Variants in EFHC1 observed in about 807,000 individuals in gnomAD.
The protein encoded by EFHC1 is EF-hand domain-containing protein 1.
A neutral mutation model predicts 69.9 loss-of-function variants in EFHC1; 53 were observed. That is an observed-to-expected ratio of 0.76 (90% CI 0.61 to 0.95). EFHC1 has a LOEUF of 0.95. EFHC1 is among the 40% of genes least tolerant of loss of function. The pLI, the probability that EFHC1 is intolerant of heterozygous loss-of-function variation, is 0.00. For synonymous variants in EFHC1, 256 were observed against 278.4 expected (o/e 0.92, Z 0.80); for missense variants, 739 against 798.7 (o/e 0.93, Z 0.90).
At chr6:52,428,601 G>A (rs1049756920) in intron 2 of EFHC1, among the ~76,000 whole-genome samples, 2 of 152,072 alleles carry the variant, frequency 1.3e-5, no homozygotes, top group Non-Finnish European at 2.9e-5. Flanking sequence ...GGGTATTTGG[G>A]TTGGTTCCAT....
chr6:52,442,428 A>G (rs187325363), intron 3 of EFHC1, among the ~76,000 whole-genome samples: 76 of 152,002 alleles, frequency 5.0e-4, no homozygotes, highest in African/African-American at 1.5e-3. Context: ...TATATCTCCT[A>G]GTGGTATCCC....
intron 7 of EFHC1, among the ~76,000 whole-genome samples, chr6:52,477,418 C>T (rs778579430): frequency 1.3e-5 from 2 of 151,980 alleles, no homozygotes; most frequent in Non-Finnish European, 2.9e-5. Context: ...ACAATATGAG[C>T]GGATTTCAGT....
In EFHC1 at chr6:52,497,129, G is replaced by A. The variant is rs1766084963; in HGVS notation, c.*4788G>A. 1 of 143,000 alleles carries A rather than the reference G, an allele frequency of 7.0e-6. No homozygotes were observed. The highest frequency in any genetic ancestry group is 2.2e-4 in the East Asian group (1 of 4,500). 8.9% of individuals were successfully genotyped at this position (143,000 alleles called of 1,614,324 possible). On this transcript the variant is annotated 3_prime_UTR_variant, in exon 11 of 11. Coordinates refer to ENST00000371068, the MANE Select transcript of EFHC1 (RefSeq NM_018100.4). ...TTCCTACCCACAAACCCCATGTTAA[G>A]AAAACCTCTTTTCCACTTTACTATT... is the stretch of plus-strand genomic sequence containing the variant.
chr6:52,447,711 C>T (rs1306290666), intron 3 of EFHC1, among the ~76,000 whole-genome samples: 1 of 152,172 alleles, frequency 6.6e-6, no homozygotes, highest in Non-Finnish European at 1.5e-5. Flanking sequence ...TTTTATCTAC[C>T]TTTGGTCTTT....
At position 52,479,182 on chromosome 6, in the gene EFHC1, C is replaced by G; in HGVS notation, c.1424C>G (p.Pro475Arg). 6.2e-7 allele frequency: 1 copy of G among 1,614,106 alleles called. No individual in the cohort carries two copies. Among genetic ancestry groups the G allele is most frequent in the South Asian group, 1.1e-5 (1 of 91,078 alleles). ...CTTGGCAGGACTAAAGTTGTTAAAC[C>G]ATACTCTACAGTGGACAACCCTGTC... Reference protein sequence around the residue: ...KYLGRTKVVKPYSTVDNPVYY... With the variant: ...KYLGRTKVVKRYSTVDNPVYY... The change falls in exon 8 of 11, where the codon CCA (proline) becomes CGA (arginine). Residue 475 changes from proline (P) to arginine (R), a missense_variant. By Grantham distance (103) the Pro-to-Arg change is moderately radical. Transcript: ENST00000371068.
intron 2 of EFHC1, among the ~76,000 whole-genome samples, chr6:52,432,856 CT>C (rs1764445235): frequency 6.6e-6 from 1 of 151,782 alleles, no homozygotes; most frequent in Admixed American, 6.6e-5. Flanking sequence ...TAATCCCAAA[CT>C]TTTTAGAGGC....
intron 3 of EFHC1, among the ~76,000 whole-genome samples, chr6:52,440,602 G>A (rs770976211): frequency 6.6e-6 from 1 of 152,094 alleles, no homozygotes; most frequent in East Asian, 1.9e-4. Context: ...ACATACTTGC[G>A]GGTATGTCTT....
intron 3 of EFHC1, among the ~76,000 whole-genome samples, chr6:52,439,422 T>C (rs1037019747): frequency 6.6e-6 from 1 of 152,208 alleles, no homozygotes; most frequent in Non-Finnish European, 1.5e-5. Flanking sequence ...GCATGCCTGC[T>C]TTGTTCCATG....
Position 52,490,267 on chromosome 6 carries a change from G to T in EFHC1, c.1768G>T (p.Ala590Ser). The T allele has an allele frequency of 6.2e-7, 1 of 1,614,178 alleles. No homozygotes were observed. The highest frequency in any genetic ancestry group is 1.1e-5 in the South Asian group (1 of 91,086). ...REAFQIYDKEASGYVDRDMFF... is the reference protein window; with the variant it reads ...REAFQIYDKESSGYVDRDMFF... The stretch of plus-strand genomic sequence containing the variant: ...GGCATTTCAAATTTATGACAAGGAA[G>T]CTTCAGGATATGTGGACAGAGACAT... Residue 590 changes from alanine to serine, a missense_variant, in exon 10 of 11, where the codon GCT becomes TCT. Ala to Ser is a moderately conservative substitution (Grantham distance 99). Transcript: ENST00000371068.
intron 5 of EFHC1, among the ~76,000 whole-genome samples, chr6:52,463,748 A>G (rs1765228665): frequency 1.3e-5 from 2 of 152,218 alleles, no homozygotes; most frequent in South Asian, 2.1e-4. Context: ...TTGTATACTA[A>G]AGGAAGTTAA....
chr6:52,454,744 C>T (rs975062581), intron 5 of EFHC1, among the ~76,000 whole-genome samples: 5 of 152,132 alleles, frequency 3.3e-5, no homozygotes, highest in South Asian at 4.1e-4. Context: ...GTCTGTGACT[C>T]ATAGAGGTGA....
intron 4 of EFHC1, chr6:52,453,622 CAAAA>C (rs150509864): frequency 6.6e-4 from 689 of 1,044,570 alleles, no homozygotes; most frequent in Admixed American, 3.1e-3. Context: ...GAAGCCTAGC[CAAAA>C]AAAAAAAAAA....
chr6:52,429,592 A>G (rs1327993753), intron 2 of EFHC1, among the ~76,000 whole-genome samples: 3 of 152,008 alleles, frequency 2.0e-5, no homozygotes, highest in South Asian at 2.1e-4. Flanking sequence ...TTTGGTAACT[A>G]TGGTCTTATA....
chr6:52,452,858 A>G, intron 4 of EFHC1, 21 bp downstream of exon 4: 1 of 1,613,954 alleles, frequency 6.2e-7, no homozygotes, highest in Non-Finnish European at 8.5e-7. Context: ...TAGGAACCAC[A>G]ATAGGCTTAC....
chr6:52,479,307 G>T (rs1362396170), intron 8 of EFHC1, 57 bp downstream of exon 8: 55 of 1,574,420 alleles, frequency 3.5e-5, no homozygotes, highest in Non-Finnish European at 3.5e-6. Flanking sequence ...GTTCTTAATT[G>T]GAATTTAATT....
At chr6:52,449,467 G>A (rs11752943) in intron 3 of EFHC1, among the ~76,000 whole-genome samples, 15,099 of 151,146 alleles carry the variant, frequency 0.1, 1,286 homozygotes, top group East Asian at 0.45. Context: ...GGCCTTTTTT[G>A]GTTCATAGGC....
At chr6:52,475,568 G>A (rs550403366) in intron 7 of EFHC1, among the ~76,000 whole-genome samples, 6 of 152,160 alleles carry the variant, frequency 3.9e-5, no homozygotes, top group Admixed American at 6.5e-5. Context: ...CAAGAGATAC[G>A]CAAGACAGTA....
At chr6:52,426,277 G>T (rs916601310) in intron 2 of EFHC1, among the ~76,000 whole-genome samples, 1 of 152,126 alleles carries the variant, frequency 6.6e-6, no homozygotes, top group Non-Finnish European at 1.5e-5. Flanking sequence ...ATCTAGAGAG[G>T]TTTACTTTGC....
At chr6:52,490,113 G>A (rs1321958270) in intron 9 of EFHC1, 27 bp from the exon 10 acceptor site, 3 of 1,595,118 alleles carry the variant, frequency 1.9e-6, no homozygotes, top group East Asian at 2.2e-5. Context: ...AATACCATGT[G>A]CAGTCATTTC....
Sources: allele counts gnomAD v4.1 joint callset (sites outside exome capture counted in the v4.1 genomes callset), GRCh38; gene constraint gnomAD v4.1.1; transcripts MANE v1.5; gene names NCBI Gene and HGNC (gene_info 2026-07-23, HGNC 2026-07-21).